Variants in CLTC observed in about 807,000 individuals in gnomAD.
The protein encoded by CLTC is clathrin heavy chain, also known as clathrin heavy chain 1.
In CLTC, 16 loss-of-function variants were observed where a neutral mutation model predicts 195.8. The observed-to-expected ratio is 0.08, with a 90% CI of 0.06 to 0.12. CLTC has a LOEUF of 0.12. Ranked by LOEUF, CLTC falls within the 10% of genes least tolerant of loss-of-function variation. The pLI is 1.00. For missense variants in CLTC, 796 were observed against 2,027.0 expected, an observed-to-expected ratio of 0.39 and a Z score of 11.66; for synonymous variants, 667 against 689.4, an observed-to-expected ratio of 0.97 and a Z score of 0.51.
chr17:59,634,927 A>G (rs1194138764), intron 1 of CLTC, among the ~76,000 whole-genome samples: 1 of 152,238 alleles, frequency 6.6e-6, no homozygotes, highest in Non-Finnish European at 1.5e-5. Context: ...ACCGCGACTG[A>G]TACTAGAGAA....
At chr17:59,651,875 AT>A (rs947700064) in intron 5 of CLTC, among the ~76,000 whole-genome samples, 2 of 152,142 alleles carry the variant, frequency 1.3e-5, no homozygotes, top group Admixed American at 1.3e-4. Flanking sequence ...TTCACAAAAG[AT>A]TTCTCTGTGC....
At position 59,666,742 on chromosome 17, in the gene CLTC, C is replaced by T. The variant is rs922305937; in HGVS notation, c.1948-55C>T. 3.2e-6 allele frequency: 5 copies of T among 1,561,294 alleles called. No homozygotes were observed. The East Asian group carries it at 1.1e-4, about 35-fold the overall frequency. On this transcript the variant is annotated intron_variant, in intron 12 of 31. Transcript: ENST00000269122. The surrounding 1 kb of genome is among the most constrained non-coding windows in gnomAD (Gnocchi z 4.9). ...CTAAATATTAATAATTTCATACCAC[C>T]ATGAGGTTCAACATTATTTCATTTA... is the stretch of plus-strand genomic sequence containing the variant.
intron 8 of CLTC, among the ~76,000 whole-genome samples, chr17:59,662,021 T>G (rs917221252): frequency 1.4e-4 from 22 of 151,932 alleles, no homozygotes; most frequent in Non-Finnish European, 7.4e-5. Flanking sequence ...GAGAATCACT[T>G]GAACCCGGGA....
chr17:59,673,798 G>GTAATGTAGGTAAT (rs745969293), intron 15 of CLTC, 26 bp downstream of exon 15: 2 of 1,013,172 alleles, frequency 2.0e-6, no homozygotes, highest in South Asian at 2.8e-5. Context: ...GTAATGTAAA[G>GTAATGTAGGTAAT]GTATAATCTT....
At chr17:59,625,101 T>C (rs189966134) in intron 1 of CLTC, among the ~76,000 whole-genome samples, 6 of 152,058 alleles carry the variant, frequency 3.9e-5, no homozygotes, top group Non-Finnish European at 8.8e-5. Context: ...CTAAATCTAG[T>C]GTGTGTGGTT....
At chr17:59,621,029 T>C (rs954674504) in intron 1 of CLTC, among the ~76,000 whole-genome samples, 1 of 152,212 alleles carries the variant, frequency 6.6e-6, no homozygotes, top group African/African-American at 2.4e-5. Flanking sequence ...CGCATGGAAT[T>C]GAACAGAGCC....
chr17:59,692,045 G>A (rs930176153), intron 31 of CLTC, among the ~76,000 whole-genome samples: 2 of 152,172 alleles, frequency 1.3e-5, no homozygotes, highest in African/African-American at 4.8e-5. Flanking sequence ...TTGGCTGGGT[G>A]CAGTGGCTCA....
Position 59,664,896 on chromosome 17 carries a change from C to T in CLTC, c.1631C>T (p.Ala544Val), listed in dbSNP as rs771432222. 6.2e-7 allele frequency: 1 copy of T among 1,614,046 alleles called. No individual in the cohort carries two copies. Among genetic ancestry groups the T allele is most frequent in the Non-Finnish European group, 8.5e-7 (1 of 1,179,958 alleles). ...QMLVQDEEPL[A>V]DITQIVDVFM... The stretch of plus-strand genomic sequence containing the variant: ...TTAGTTCAAGATGAAGAGCCTCTTG[C>T]TGACATCACACAGGTAATGTGATTA... The change falls in exon 10 of 32, where the codon GCT becomes GTT. Residue 544 changes from alanine (A) to valine (V), a missense_variant. Physicochemically the swap from Ala to Val is moderately conservative, Grantham distance 64. This residue lies in a region of CLTC where 293 missense variants were observed against 795.6 expected (regional missense o/e 0.37). Coordinates refer to ENST00000269122, the MANE Select transcript of CLTC (RefSeq NM_004859.4).
chr17:59,647,381 C>A lies in CLTC; in HGVS notation c.251-17C>A, dbSNP rs371328179. On this transcript the variant is annotated splice_polypyrimidine_tract_variant and intron_variant, in intron 2 of 31. Transcript: ENST00000269122. Reference sequence around the variant, plus strand: ...TTTACTCTTTTAATGATTTATAATTCTTGATTTTGTTTTTAGCTGGGAAAA... The same window carrying A: ...TTTACTCTTTTAATGATTTATAATTATTGATTTTGTTTTTAGCTGGGAAAA... 3.8e-6 allele frequency: 6 copies of A among 1,591,172 alleles called. No individual in the cohort carries two copies. The highest frequency in any genetic ancestry group is 5.2e-6 in the Non-Finnish European group (6 of 1,162,106).
At chr17:59,622,536 C>T (rs1229515214) in intron 1 of CLTC, among the ~76,000 whole-genome samples, 1 of 152,122 alleles carries the variant, frequency 6.6e-6, no homozygotes, top group African/African-American at 2.4e-5. Context: ...AGCCACCACA[C>T]CTGGCTAATT....
chr17:59,685,844 C>T lies in CLTC; in HGVS notation c.4827+36C>T. 6.9e-7 allele frequency: 1 copy of T among 1,445,410 alleles called. No individual in the cohort carries two copies. The allele number at this position is 1,445,410 out of a possible 1,614,324, so 89.5% of individuals were successfully genotyped here. A position where few individuals can be genotyped will look rare whatever the true frequency, so the allele number is the denominator to read the frequency against. On this transcript the variant is annotated intron_variant, in intron 30 of 31. Coordinates refer to ENST00000269122, the MANE Select transcript of CLTC (RefSeq NM_004859.4). This position sits in a 1 kb window ranked among gnomAD's most constrained non-coding sequence, Gnocchi z 5.0. ...TTCTAAGTGTATTCAGAACTAGTTT[C>T]CTTGCATGTAAAATTCTACATGCAC...
chr17:59,642,424 G>A (rs1192276436), intron 1 of CLTC, among the ~76,000 whole-genome samples: 2 of 152,170 alleles, frequency 1.3e-5, no homozygotes, highest in Non-Finnish European at 2.9e-5. Flanking sequence ...TTACAGGGTA[G>A]CTTAGGATTC....
Position 59,639,387 on chromosome 17 carries a change from CCCAGTTTATTGACT to C in CLTC, c.43-4885_43-4872del, listed in dbSNP as rs1228329922. ...AAAAAAACAAGCCCCTTTTTTTGGA[CCCAGTTTATTGACT>C]CCATATTCTTATAACAGCAAAATAA... is the stretch of plus-strand genomic sequence containing the variant. On this transcript the variant is annotated intron_variant, in intron 1 of 31. Coordinates refer to ENST00000269122, the MANE Select transcript of CLTC (RefSeq NM_004859.4). Among the ~76,000 whole-genome samples, 2 of 151,916 alleles carry C rather than the reference CCCAGTTTATTGACT, an allele frequency of 1.3e-5. 1 individual carries two copies. The highest frequency in any genetic ancestry group is 3.9e-4 in the East Asian group (2 of 5,186).
At chr17:59,632,630 G>A (rs968016288) in intron 1 of CLTC, among the ~76,000 whole-genome samples, 1 of 151,974 alleles carries the variant, frequency 6.6e-6, no homozygotes, top group Non-Finnish European at 1.5e-5. Context: ...GCGACAGAGC[G>A]AGACTCTGTC....
intron 1 of CLTC, among the ~76,000 whole-genome samples, chr17:59,627,360 C>T (rs541389197): frequency 6.6e-6 from 1 of 152,084 alleles, no homozygotes; most frequent in Non-Finnish European, 1.5e-5. Flanking sequence ...GCAAGAGAAC[C>T]CTTGTGCTTA....
At chr17:59,672,524 A>G (rs1049953637) in intron 14 of CLTC, among the ~76,000 whole-genome samples, 1 of 152,220 alleles carries the variant, frequency 6.6e-6, no homozygotes, top group African/African-American at 2.4e-5. Flanking sequence ...GACAGATTCT[A>G]GAAATGATCG....
intron 6 of CLTC, among the ~76,000 whole-genome samples, chr17:59,657,909 AAGAC>A (rs1252990909): frequency 2.0e-5 from 3 of 151,722 alleles, no homozygotes; most frequent in Non-Finnish European, 2.9e-5. Flanking sequence ...AATAAAAAAA[AAGAC>A]AGGGGCTGGG....
intron 6 of CLTC, chr17:59,658,906 T>C (rs1453513126): frequency 6.6e-6 from 1 of 152,186 alleles, no homozygotes; most frequent in Non-Finnish European, 1.5e-5. Context: ...GTCGGACCTA[T>C]AGAAGTAAAA....
At chr17:59,626,230 C>G (rs1370563255) in intron 1 of CLTC, among the ~76,000 whole-genome samples, 2 of 152,124 alleles carry the variant, frequency 1.3e-5, no homozygotes, top group Non-Finnish European at 2.9e-5. Context: ...TTATTCCAAC[C>G]ATTGATGTTG....
Sources: gnomAD v4.1 joint callset for allele counts (sites outside exome capture counted in the v4.1 genomes callset) on GRCh38, gnomAD v4.1.1 for gene constraint, gnomAD v4.1.1 regional missense constraint, Gnocchi (gnomAD v3.1) non-coding constraint, MANE v1.5 for transcripts, NCBI Gene and HGNC (gene_info 2026-07-23, HGNC 2026-07-21) for gene names.